Variants in LY75 observed in about 807,000 individuals in gnomAD.
LY75 encodes lymphocyte antigen 75, also known as C-type lectin domain family 13 member B.
In LY75, 185 loss-of-function variants were observed where a neutral mutation model predicts 231.7. The observed-to-expected ratio is 0.80, with a 90% CI of 0.71 to 0.90. The LOEUF (loss-of-function observed/expected upper bound fraction) is 0.90. Ranked by LOEUF, LY75 falls within the 40% of genes least tolerant of loss-of-function variation. The pLI is 0.00. For synonymous variants in LY75, 668 were observed against 689.0 expected (o/e 0.97, Z 0.48); for missense variants, 1,947 against 2,050.2 (o/e 0.95, Z 0.97).
At chr2:159,808,088 C>T (rs1574515944) in intron 33 of LY75, 19 of 984,448 alleles carry the variant, frequency 1.9e-5, no homozygotes, top group Non-Finnish European at 2.1e-5. Context: ...CAAATCCATG[C>T]GGTGACAGGC....
chr2:159,858,950 C>T (rs555748657), intron 15 of LY75, among the ~76,000 whole-genome samples: 1 of 152,330 alleles, frequency 6.6e-6, no homozygotes, highest in Non-Finnish European at 1.5e-5. Context: ...GAAGGCATTA[C>T]TTGGGAGAGA....
At chr2:159,824,078 G>T (rs1683386724) in intron 28 of LY75, among the ~76,000 whole-genome samples, 1 of 152,140 alleles carries the variant, frequency 6.6e-6, no homozygotes, top group South Asian at 2.1e-4. Context: ...ATAATGACAG[G>T]ATCAAATTCA....
At position 159,851,311 on chromosome 2, in the gene LY75, G is replaced by A. The variant is rs189531495; in HGVS notation, c.2884-844C>T. Among the ~76,000 whole-genome samples, 9 of 152,010 alleles carry A rather than the reference G, an allele frequency of 5.9e-5. No homozygotes were observed. In the East Asian group the frequency reaches 1.5e-3, roughly 26 times the overall value. On this transcript the variant is annotated intron_variant, in intron 21 of 34. Transcript: ENST00000263636. ...CATTATGATCACTTTAGTGTAGAGT[G>A]GTATGTCCCAAATTGTGTTCCTTGA...
chr2:159,896,410 C>T (rs1363971562), intron 2 of LY75, among the ~76,000 whole-genome samples: 1 of 152,172 alleles, frequency 6.6e-6, no homozygotes, highest in African/African-American at 2.4e-5. Flanking sequence ...CAAGTGAAAA[C>T]TTGGTTTATA....
At chr2:159,872,269 C>T (rs1367467074) in intron 13 of LY75, 182 bp downstream of exon 13, 1 of 666,342 alleles carries the variant, frequency 1.5e-6, no homozygotes, top group African/African-American at 1.8e-5. Context: ...TTTTAGATTC[C>T]TCATAGTGTC....
chr2:159,862,373 G>A (rs958427972), intron 14 of LY75, among the ~76,000 whole-genome samples: 13 of 151,814 alleles, frequency 8.6e-5, no homozygotes, highest in African/African-American at 1.7e-4. Context: ...TGGGAAGATC[G>A]CTTGAGCCTG....
chr2:159,873,570 C>T (rs1014178878), intron 12 of LY75, among the ~76,000 whole-genome samples: 5 of 152,082 alleles, frequency 3.3e-5, no homozygotes, highest in Non-Finnish European at 4.4e-5. Flanking sequence ...CTAGATCAGT[C>T]AAACTCTAGC....
Position 159,816,892 on chromosome 2 carries a change from C to G in LY75, c.4294G>C (p.Val1432Leu). ...CSQSGGHLAS[V>L]HNQNGQLFLE... is the part of the protein sequence containing the mutation. ...AAGAGCTGGCCATTTTGGTTGTGAA[C>G]GCTTGCCAAGTGACCTCCACTTTGA... is the stretch of plus-strand genomic sequence containing the variant. Residue 1432 changes from valine to leucine, a missense_variant, in exon 30 of 35, where the codon GTT becomes CTT. Physicochemically the swap from Val to Leu is conservative, Grantham distance 32 (BLOSUM62 1). Transcript: ENST00000263636. 1 of 1,614,158 alleles carries G rather than the reference C, an allele frequency of 6.2e-7. No homozygotes were observed. The highest frequency in any genetic ancestry group is 8.5e-7 in the Non-Finnish European group (1 of 1,180,012).
chr2:159,844,791 T>A (rs1388611871), intron 23 of LY75, among the ~76,000 whole-genome samples: 2 of 2,310 alleles, frequency 8.7e-4, no homozygotes, highest in African/African-American at 4.7e-3. Flanking sequence ...CTGTCATTCT[T>A]TTTTTTTTTT....
intron 1 of LY75, chr2:159,902,479 C>A (rs1317920953): frequency 6.6e-6 from 1 of 152,158 alleles, no homozygotes; most frequent in Non-Finnish European, 1.5e-5. Context: ...GGTCCCTAGA[C>A]CAAAGAGCTT....
chr2:159,903,129 G>C (rs1292992412), intron 1 of LY75: 3 of 152,228 alleles, frequency 2.0e-5, no homozygotes, highest in Non-Finnish European at 1.5e-5. Context: ...AGTAAGGAAG[G>C]ATACAGGATA....
intron 4 of LY75, among the ~76,000 whole-genome samples, chr2:159,889,532 C>T (rs57811478): frequency 0.023 from 3,435 of 152,200 alleles, 173 homozygotes; most frequent in East Asian, 0.2. Context: ...CTGGCCAATT[C>T]CTCTTTAATG....
At chr2:159,859,350 C>T (rs1406660773) in intron 15 of LY75, among the ~76,000 whole-genome samples, 1 of 152,198 alleles carries the variant, frequency 6.6e-6, no homozygotes, top group South Asian at 2.1e-4. Context: ...CTTCCTGTAA[C>T]ATTTCTGGTC....
At chr2:159,807,444 G>A (rs1682823699) in intron 33 of LY75, among the ~76,000 whole-genome samples, 1 of 152,202 alleles carries the variant, frequency 6.6e-6, no homozygotes, top group African/African-American at 2.4e-5. Flanking sequence ...CCGTTAAAGT[G>A]CAGAATGCTT....
chr2:159,830,784 G>A (rs1293032288), intron 28 of LY75, among the ~76,000 whole-genome samples: 1 of 152,036 alleles, frequency 6.6e-6, no homozygotes, highest in African/African-American at 2.4e-5. Flanking sequence ...GTTTCACCAT[G>A]TTGGCCAGGC....
At chr2:159,853,832 C>T in intron 18 of LY75, 135 bp from the exon 19 acceptor site, 1 of 1,157,454 alleles carries the variant, frequency 8.6e-7, no homozygotes, top group Non-Finnish European at 1.2e-6. Context: ...CAAAATTATA[C>T]AAACTAGAAC....
At chr2:159,901,227 A>T (rs1476515224) in intron 1 of LY75, among the ~76,000 whole-genome samples, 1 of 152,164 alleles carries the variant, frequency 6.6e-6, no homozygotes, top group African/African-American at 2.4e-5. Flanking sequence ...AAAAAGGAAA[A>T]TGTGCTATAA....
At chr2:159,870,102 GT>G (rs1224230275) in intron 13 of LY75, among the ~76,000 whole-genome samples, 3 of 152,078 alleles carry the variant, frequency 2.0e-5, no homozygotes, top group African/African-American at 7.2e-5. Flanking sequence ...TAGATTCCCA[GT>G]ACACTGTAGT....
At chr2:159,818,985 G>A (rs1306555694) in intron 29 of LY75, among the ~76,000 whole-genome samples, 2 of 152,152 alleles carry the variant, frequency 1.3e-5, no homozygotes, top group Admixed American at 1.3e-4. Flanking sequence ...CCTAGAAACT[G>A]GGGATAGAGA....
Sources: allele counts gnomAD v4.1 joint callset (sites outside exome capture counted in the v4.1 genomes callset), GRCh38; gene constraint gnomAD v4.1.1; transcripts MANE v1.5; gene names NCBI Gene and HGNC (gene_info 2026-07-23, HGNC 2026-07-21).